TMEFF2: variants seen among roughly 807,000 people sequenced by gnomAD.
The protein encoded by TMEFF2 is tomoregulin-2.
In TMEFF2, 28 loss-of-function variants were observed where a neutral mutation model predicts 53.8. That is an observed-to-expected ratio of 0.52 (90% CI 0.39 to 0.71). The LOEUF is 0.71. Ranked by LOEUF, TMEFF2 falls within the 30% of genes least tolerant of loss-of-function variation. TMEFF2 has a pLI of 0.00. For missense variants in TMEFF2, 353 were observed against 455.2 expected, an observed-to-expected ratio of 0.78 and a Z score of 2.04; for synonymous variants, 162 against 166.3, an observed-to-expected ratio of 0.97 and a Z score of 0.20.
chr2:191,960,438 G>A (rs1367700844), intron 7 of TMEFF2, among the ~76,000 whole-genome samples: 1 of 152,118 alleles, frequency 6.6e-6, no homozygotes, highest in Non-Finnish European at 1.5e-5. Flanking sequence ...GAATTGACTA[G>A]TTCTGAATTT....
At chr2:192,154,801 A>G (rs1213031766) in intron 4 of TMEFF2, among the ~76,000 whole-genome samples, 3 of 151,892 alleles carry the variant, frequency 2.0e-5, no homozygotes, top group Non-Finnish European at 4.4e-5. Context: ...TGCAACCACC[A>G]TCTTCATGCA....
chr2:191,981,176 A>G (rs2105814965), intron 7 of TMEFF2, among the ~76,000 whole-genome samples: 1 of 152,280 alleles, frequency 6.6e-6, no homozygotes, highest in East Asian at 1.9e-4. Flanking sequence ...AAATGAGGAA[A>G]GAGACTTAAT....
rs140698350 is a variant in TMEFF2, at chr2:192,194,466, C to G, written c.59G>C (p.Cys20Ser). Residue 20 changes from cysteine (C) to serine (S), a missense_variant, in exon 1 of 10, where the codon TGC (cysteine) becomes TCC (serine). By Grantham distance (112) the Cys-to-Ser change is moderately radical (BLOSUM62 -1). Coordinates refer to ENST00000272771, the MANE Select transcript of TMEFF2 (RefSeq NM_016192.4). The surrounding 1 kb of genome is among the most constrained non-coding windows in gnomAD (Gnocchi z 4.2). ...CSSWTLCEGF[C>S]WLLLLPVMLL... ...CATGACGGGCAGCAGCAGCAGCCAG[C>G]AAAAGCCCTCGCAAAGTGTCCAGCT... 156 of 1,614,146 alleles carry G rather than the reference C, an allele frequency of 9.7e-5. No homozygotes were observed. The African/African-American group carries it at 2.0e-3, about 20-fold the overall frequency.
intron 4 of TMEFF2, among the ~76,000 whole-genome samples, chr2:192,067,012 G>T (rs1291757004): frequency 1.3e-5 from 2 of 151,720 alleles, no homozygotes; most frequent in African/African-American, 4.8e-5. Context: ...GCTACTGGAG[G>T]GCAAATCCCA....
intron 4 of TMEFF2, among the ~76,000 whole-genome samples, chr2:192,112,122 T>G (rs749198739): frequency 6.6e-6 from 1 of 152,120 alleles, no homozygotes; most frequent in Non-Finnish European, 1.5e-5. Flanking sequence ...CACTGCCTAG[T>G]GGAGCTGAGA....
chr2:192,118,075 T>G (rs1338274276), intron 4 of TMEFF2, among the ~76,000 whole-genome samples: 1 of 152,034 alleles, frequency 6.6e-6, no homozygotes, highest in African/African-American at 2.4e-5. Flanking sequence ...AAAAATAGAT[T>G]TGGAATAAAA....
intron 3 of TMEFF2, among the ~76,000 whole-genome samples, chr2:192,181,426 C>G (rs1036216706): frequency 2.6e-5 from 4 of 151,688 alleles, no homozygotes; most frequent in Non-Finnish European, 5.9e-5. Context: ...TGTTGTTCAT[C>G]ACTCTACACT....
chr2:192,048,361 AACACACACACACAC>A (rs3053696), intron 5 of TMEFF2, among the ~76,000 whole-genome samples: 1 of 143,166 alleles, frequency 7.0e-6, no homozygotes, highest in South Asian at 2.3e-4. Context: ...ATTCTCATAA[AACACACACACACAC>A]ACACACACAC....
At chr2:192,192,106 G>A (rs1691476240) in intron 1 of TMEFF2, 117 bp from the exon 2 acceptor site, 2 of 662,794 alleles carry the variant, frequency 3.0e-6, no homozygotes, top group Admixed American at 2.6e-5. Flanking sequence ...AACAACTATA[G>A]CTGTACTGCA....
chr2:192,126,759 G>A (rs368265398), intron 4 of TMEFF2, among the ~76,000 whole-genome samples: 19 of 152,288 alleles, frequency 1.2e-4, no homozygotes, highest in African/African-American at 4.1e-4. Flanking sequence ...ATTCCTCAAG[G>A]TGGTAAAACC....
intron 4 of TMEFF2, among the ~76,000 whole-genome samples, chr2:192,128,367 C>T (rs190743353): frequency 6.6e-6 from 1 of 152,242 alleles, no homozygotes; most frequent in East Asian, 1.9e-4. Flanking sequence ...CAAAATATTG[C>T]AATAAGTCAC....
intron 5 of TMEFF2, among the ~76,000 whole-genome samples, chr2:192,014,274 C>T (rs7558259): frequency 0.41 from 62,991 of 151,984 alleles, 13,980 homozygotes; most frequent in East Asian, 0.58. Context: ...TCAATGTGAA[C>T]GGTAAAGGTC....
chr2:192,035,666 C>T (rs2105878422), intron 5 of TMEFF2, among the ~76,000 whole-genome samples: 1 of 152,266 alleles, frequency 6.6e-6, no homozygotes, highest in Non-Finnish European at 1.5e-5. Context: ...AGTGTCTATT[C>T]TCATTCCTCA....
chr2:192,106,895 G>T (rs1442828955), intron 4 of TMEFF2, among the ~76,000 whole-genome samples: 1 of 151,674 alleles, frequency 6.6e-6, no homozygotes, highest in Non-Finnish European at 1.5e-5. Context: ...TACTGGAAAT[G>T]ATGGCATTTG....
At chr2:192,127,129 G>A (rs1329347068) in intron 4 of TMEFF2, among the ~76,000 whole-genome samples, 2 of 152,070 alleles carry the variant, frequency 1.3e-5, no homozygotes, top group Non-Finnish European at 2.9e-5. Flanking sequence ...AGAGTCTGTG[G>A]CTCCTCCCCA....
chr2:192,098,406 A>G (rs1422587215), intron 4 of TMEFF2, among the ~76,000 whole-genome samples: 1 of 152,216 alleles, frequency 6.6e-6, no homozygotes, highest in East Asian at 1.9e-4. Flanking sequence ...GCTCCAAAAA[A>G]TTTCTTCATT....
chr2:191,964,226 T>G (rs371936501), intron 7 of TMEFF2, among the ~76,000 whole-genome samples: 597 of 56,750 alleles, frequency 0.011, 6 homozygotes, highest in African/African-American at 0.036. Flanking sequence ...CTGTCTGTCT[T>G]TCTTTCCTTC....
At chr2:192,097,649 GAC>G (rs1337790451) in intron 4 of TMEFF2, among the ~76,000 whole-genome samples, 1 of 152,152 alleles carries the variant, frequency 6.6e-6, no homozygotes, top group Non-Finnish European at 1.5e-5. Flanking sequence ...GCAGGAATAA[GAC>G]AAATACACAG....
intron 5 of TMEFF2, among the ~76,000 whole-genome samples, chr2:192,024,142 G>A (rs1194281401): frequency 6.6e-6 from 1 of 152,046 alleles, no homozygotes; most frequent in East Asian, 1.9e-4. Context: ...CCATAGATGA[G>A]GGTTTTCCAT....
Sources: allele counts gnomAD v4.1 joint callset (sites outside exome capture counted in the v4.1 genomes callset), GRCh38; gene constraint gnomAD v4.1.1; non-coding constraint Gnocchi (gnomAD v3.1); transcripts MANE v1.5; gene names NCBI Gene and HGNC (gene_info 2026-07-23, HGNC 2026-07-21).